GPD2: variants seen among roughly 807,000 people sequenced by gnomAD.
GPD2 encodes the protein glycerol-3-phosphate dehydrogenase, mitochondrial.
GPD2 carries 54 observed loss-of-function variants against 82.4 expected under a neutral mutation model. That is an observed-to-expected ratio of 0.66 (90% CI 0.53 to 0.82). GPD2 has a LOEUF of 0.82. Among genes scored for constraint, GPD2 ranks in the 40% least tolerant of loss-of-function variants. The pLI, the probability that GPD2 is intolerant of heterozygous loss-of-function variation, is 0.00. For synonymous variants in GPD2, 288 were observed against 306.1 expected, an observed-to-expected ratio of 0.94 and a Z score of 0.62; for missense variants, 748 against 896.2, an observed-to-expected ratio of 0.83 and a Z score of 2.11.
At chr2:156,500,446 G>A (rs1349427527) in intron 3 of GPD2, among the ~76,000 whole-genome samples, 1 of 152,112 alleles carries the variant, frequency 6.6e-6, no homozygotes, top group African/African-American at 2.4e-5. Context: ...CATGGAATTT[G>A]CTCTTTTATC....
intron 9 of GPD2, among the ~76,000 whole-genome samples, chr2:156,558,316 A>G (rs1401588436): frequency 6.6e-6 from 1 of 152,012 alleles, no homozygotes; most frequent in Non-Finnish European, 1.5e-5. Flanking sequence ...ATCCAGTCTA[A>G]TGCCTATCTA....
At chr2:156,514,164 T>C (rs988860622) in intron 6 of GPD2, among the ~76,000 whole-genome samples, 1 of 152,050 alleles carries the variant, frequency 6.6e-6, no homozygotes, top group Non-Finnish European at 1.5e-5. Context: ...CAATATAGTT[T>C]TGTACACTTT....
Position 156,570,162 on chromosome 2 carries a change from A to AGTGT in GPD2, c.1553_1554insTGTG (p.Arg518SerfsTer18). The stretch of plus-strand genomic sequence containing the variant: ...CAAAATGGCAAGTGTGACTGGCAAA[A>AGTGT]GGTGGCCTATTGTTGGAGTACGTCT... On this transcript the variant is annotated frameshift_variant, in exon 12 of 17. Transcript: ENST00000438166. LOFTEE classifies it high-confidence loss of function. 6.2e-7 allele frequency: 1 copy of AGTGT among 1,612,832 alleles called. No homozygotes were observed. The highest frequency in any genetic ancestry group is 8.5e-7 in the Non-Finnish European group (1 of 1,179,138).
intron 1 of GPD2, among the ~76,000 whole-genome samples, chr2:156,454,059 T>A (rs1682708511): frequency 6.6e-6 from 1 of 152,126 alleles, no homozygotes; most frequent in East Asian, 1.9e-4. Context: ...GTAAGACTTT[T>A]GAAAGAGGAT....
chr2:156,546,326 C>T (rs191131577), intron 6 of GPD2, among the ~76,000 whole-genome samples: 61 of 152,264 alleles, frequency 4.0e-4, no homozygotes, highest in African/African-American at 1.3e-3. Context: ...TATTGTATCA[C>T]ATTCCAATGG....
At chr2:156,572,872 A>G (rs940260532) in intron 13 of GPD2, among the ~76,000 whole-genome samples, 3 of 152,168 alleles carry the variant, frequency 2.0e-5, no homozygotes, top group African/African-American at 7.2e-5. Context: ...AACAACAAAC[A>G]TTTATTTCTC....
chr2:156,480,307 A>T (rs904036171), intron 2 of GPD2, among the ~76,000 whole-genome samples: 1 of 152,182 alleles, frequency 6.6e-6, no homozygotes, highest in African/African-American at 2.4e-5. Flanking sequence ...CCTCAGGAAG[A>T]TGGGAAGGTT....
intron 1 of GPD2, among the ~76,000 whole-genome samples, chr2:156,445,168 C>T (rs1682326932): frequency 6.6e-6 from 1 of 152,224 alleles, no homozygotes; most frequent in Non-Finnish European, 1.5e-5. Context: ...TTTCTAGGCA[C>T]TGTGCTGAGT....
At chr2:156,433,384 TACC>T (rs1294783123), upstream of GPD2, among the ~76,000 whole-genome samples, 1 of 152,140 alleles carries the variant, frequency 6.6e-6, no homozygotes, top group African/African-American at 2.4e-5. Flanking sequence ...GATCAGCTGG[TACC>T]ACCTAGATCA....
At position 156,513,504 on chromosome 2, in the gene GPD2, ATGT is replaced by A; in HGVS notation, c.661+10_661+12del. 1.3e-6 allele frequency: 2 copies of A among 1,563,212 alleles called. No homozygotes were observed. Among genetic ancestry groups the A allele is most frequent in the African/African-American group, 2.8e-5 (2 of 72,652 alleles). On this transcript the variant is annotated intron_variant, in intron 6 of 16. Coordinates refer to ENST00000438166, the MANE Select transcript of GPD2 (RefSeq NM_000408.5). Reference sequence around the variant, plus strand: ...CAATTGTCTACTATGACGGTATGTGATGTTTTTTTTTTTTTTCCTCACAAGATA... The same window carrying A: ...CAATTGTCTACTATGACGGTATGTGATTTTTTTTTTTTTCCTCACAAGATA...
intron 6 of GPD2, among the ~76,000 whole-genome samples, chr2:156,543,712 A>T (rs1258433308): frequency 6.6e-6 from 1 of 152,214 alleles, no homozygotes; most frequent in Non-Finnish European, 1.5e-5. Context: ...CAACATGAGC[A>T]AGAAATCAGA....
At chr2:156,414,624 C>T in the GPD2 span, among the ~76,000 whole-genome samples, 9 of 152,034 alleles carry the variant, frequency 5.9e-5, no homozygotes, top group Admixed American at 3.3e-4. Flanking sequence ...GACACTTCAA[C>T]GGCTTTTCAA....
the GPD2 span, among the ~76,000 whole-genome samples, chr2:156,412,542 G>A: frequency 4.6e-5 from 7 of 151,960 alleles, no homozygotes; most frequent in African/African-American, 1.5e-4. Context: ...TAGCCCCTCT[G>A]TCTCAGTTTT....
Position 156,577,777 on chromosome 2 carries a change from T to A in GPD2, c.1768-1112T>A, listed in dbSNP as rs189884696. Among the ~76,000 whole-genome samples the A allele has an allele frequency of 3.7e-3, 556 of 152,302 alleles. 5 individuals are homozygous for A. Among genetic ancestry groups the A allele is most frequent in the South Asian group, 0.01 (50 of 4,826 alleles). On this transcript the variant is annotated intron_variant, in intron 13 of 16. Transcript: ENST00000438166. ...AGCAAGCATTTCTTTTTCCCTCACA[T>A]TACATGAAGGCTGCGTGTTAGCTGC... is the stretch of plus-strand genomic sequence containing the variant.
At chr2:156,477,681 TAC>T (rs1683561473) in intron 2 of GPD2, among the ~76,000 whole-genome samples, 1 of 152,262 alleles carries the variant, frequency 6.6e-6, no homozygotes, top group African/African-American at 2.4e-5. Flanking sequence ...ATAATCATTA[TAC>T]ATATTGATTG....
chr2:156,552,292 G>A (rs1256922393), intron 8 of GPD2, among the ~76,000 whole-genome samples: 1 of 152,174 alleles, frequency 6.6e-6, no homozygotes, highest in Non-Finnish European at 1.5e-5. Context: ...GTATGCAGTG[G>A]TACCTAATTG....
At chr2:156,481,551 TGAA>T (rs1355752727) in intron 2 of GPD2, among the ~76,000 whole-genome samples, 5 of 152,154 alleles carry the variant, frequency 3.3e-5, no homozygotes, top group Admixed American at 2.6e-4. Context: ...AGTCAGAACA[TGAA>T]GTATTTGTCT....
intron 1 of GPD2, among the ~76,000 whole-genome samples, chr2:156,465,546 G>A (rs753857303): frequency 6.6e-6 from 1 of 151,846 alleles, no homozygotes; most frequent in Non-Finnish European, 1.5e-5. Flanking sequence ...GATTTTTTCT[G>A]TAGAGACAGG....
intron 1 of GPD2, among the ~76,000 whole-genome samples, chr2:156,467,174 G>T (rs184973000): frequency 6.6e-6 from 1 of 152,064 alleles, no homozygotes; most frequent in African/African-American, 2.4e-5. Flanking sequence ...CTTGGGCTGG[G>T]GTGGGCCCTT....
Sources: allele counts gnomAD v4.1 joint callset (sites outside exome capture counted in the v4.1 genomes callset), GRCh38; gene constraint gnomAD v4.1.1; transcripts MANE v1.5; gene names NCBI Gene and HGNC (gene_info 2026-07-23, HGNC 2026-07-21).